The following UBAC1 variants were observed in gnomAD, a reference collection of about 807,000 sequenced individuals.
The protein encoded by UBAC1 is UBA domain containing 1.
Under a neutral mutation model 45.9 loss-of-function variants are expected in UBAC1, and 27 were observed. The ratio of observed to expected loss-of-function variants is 0.59; its 90% CI spans 0.43 to 0.81. UBAC1 has a LOEUF of 0.81. Among genes scored for constraint, UBAC1 ranks in the 30% least tolerant of loss-of-function variants. The pLI, the probability that UBAC1 is intolerant of heterozygous loss-of-function variation, is 0.00. For synonymous variants in UBAC1, 227 were observed against 215.5 expected (o/e 1.05, Z -0.47); for missense variants, 529 against 539.2 (o/e 0.98, Z 0.19).
intron 3 of UBAC1, among the ~76,000 whole-genome samples, chr9:135,948,297 G>A (rs746345989): frequency 6.6e-5 from 10 of 152,048 alleles, no homozygotes; most frequent in Non-Finnish European, 1.3e-4. Context: ...CTCCTGAAGG[G>A]CAGTCATGGC....
chr9:135,938,333 G>A lies in UBAC1; in HGVS notation c.991C>T (p.Pro331Ser), dbSNP rs1301989395. The A allele has an allele frequency of 6.2e-7, 1 of 1,613,852 alleles. No homozygotes were observed. Among genetic ancestry groups the A allele is most frequent in the Non-Finnish European group, 8.5e-7 (1 of 1,180,018 alleles). ...ACEWLLGDRK[P>S]SPEELDKGID... ...CCCTTGTCCAGCTCCTCCGGAGAGG[G>A]CTTCCGGTCCCCCAGCAGCCACTCG... The change falls in exon 9 of 10, where the codon CCC becomes TCC. Residue 331 changes from proline to serine, a missense_variant. Physicochemically the swap from Pro to Ser is moderately conservative, Grantham distance 74. Transcript: ENST00000371756.
intron 1 of UBAC1, among the ~76,000 whole-genome samples, chr9:135,959,221 TG>T (rs1839503652): frequency 6.6e-6 from 1 of 152,184 alleles, no homozygotes; most frequent in South Asian, 2.1e-4. Flanking sequence ...AGGATATTTT[TG>T]TCTATTCCAT....
At chr9:135,952,116 C>A (rs1014445743) in intron 3 of UBAC1, among the ~76,000 whole-genome samples, 2 of 152,386 alleles carry the variant, frequency 1.3e-5, no homozygotes, top group Admixed American at 1.3e-4. Context: ...AGGCCCAGAT[C>A]TGTCCGCTGC....
intron 1 of UBAC1, among the ~76,000 whole-genome samples, chr9:135,959,763 C>G (rs1234422740): frequency 7.9e-5 from 12 of 152,210 alleles, no homozygotes; most frequent in Admixed American, 7.9e-4. Context: ...GGCGCTGGAG[C>G]TTAGTGATGC....
In UBAC1 at chr9:135,961,007, G is replaced by A; in HGVS notation, c.138+18C>T. 1 of 1,532,634 alleles carries A rather than the reference G, an allele frequency of 6.5e-7. No individual in the cohort carries two copies. Among genetic ancestry groups the A allele is most frequent in the South Asian group, 1.2e-5 (1 of 84,066 alleles). The allele number at this position is 1,532,634 out of a possible 1,614,324, so 94.9% of individuals were successfully genotyped here. A position where few individuals can be genotyped will look rare whatever the true frequency, so the allele number is the denominator to read the frequency against. On this transcript the variant is annotated intron_variant, in intron 1 of 9. Coordinates refer to ENST00000371756, the MANE Select transcript of UBAC1 (RefSeq NM_016172.3). ...TCCGGAGCGGGTGTTGGGGGCAGGGGAGGGGGCCCGGCCTTACGTGCTTGA... is the reference window on the plus strand; with the variant it reads ...TCCGGAGCGGGTGTTGGGGGCAGGGAAGGGGGCCCGGCCTTACGTGCTTGA...
In UBAC1 at chr9:135,946,387, A is replaced by G. The variant is rs915620640; in HGVS notation, c.442-16T>C. 1.9e-6 allele frequency: 3 copies of G among 1,541,636 alleles called. No individual in the cohort carries two copies. The African/African-American group carries it at 4.1e-5, about 21-fold the overall frequency. On this transcript the variant is annotated splice_polypyrimidine_tract_variant and intron_variant, in intron 4 of 9. Coordinates refer to ENST00000371756, the MANE Select transcript of UBAC1 (RefSeq NM_016172.3). Reference sequence around the variant, plus strand: ...CTGTCTGGAACTGTGGTGAAAAAAAAGGAGATCAATTCTCTAAATGTCCAC... The same window carrying G: ...CTGTCTGGAACTGTGGTGAAAAAAAGGGAGATCAATTCTCTAAATGTCCAC...
intron 7 of UBAC1, among the ~76,000 whole-genome samples, chr9:135,944,602 G>A (rs10122454): frequency 0.038 from 5,763 of 152,290 alleles, 254 homozygotes; most frequent in African/African-American, 0.11. Context: ...CAGCCTGAGC[G>A]GCCCCTCGCT....
intron 7 of UBAC1, among the ~76,000 whole-genome samples, chr9:135,943,919 A>T (rs2131085407): frequency 6.6e-6 from 1 of 152,278 alleles, no homozygotes; most frequent in Middle Eastern, 3.4e-3. Context: ...GAGCTGAAAA[A>T]TGAGAACACA....
Position 135,961,015 on chromosome 9 carries a change from C to T in UBAC1, c.138+10G>A. 1 of 1,542,514 alleles carries T rather than the reference C, an allele frequency of 6.5e-7. No homozygotes were observed. The highest frequency in any genetic ancestry group is 1.9e-5 in the Admixed American group (1 of 52,494). On this transcript the variant is annotated intron_variant, in intron 1 of 9. Transcript: ENST00000371756. The stretch of plus-strand genomic sequence containing the variant: ...GGGTGTTGGGGGCAGGGGAGGGGGC[C>T]CGGCCTTACGTGCTTGAGGCAGCGC...
intron 3 of UBAC1, among the ~76,000 whole-genome samples, chr9:135,949,784 A>G (rs1011322851): frequency 6.6e-6 from 1 of 152,218 alleles, no homozygotes; most frequent in African/African-American, 2.4e-5. Context: ...CAGCATGAGC[A>G]GGACACAGTC....
chr9:135,937,840 A>C (rs1401694327), intron 9 of UBAC1, among the ~76,000 whole-genome samples: 1 of 152,210 alleles, frequency 6.6e-6, no homozygotes, highest in Non-Finnish European at 1.5e-5. Flanking sequence ...ATAAAAATAA[A>C]CCATTGCCAT....
intron 5 of UBAC1, 48 bp downstream of exon 5, chr9:135,946,213 CTCCCCAAG>C (rs1168865543): frequency 7.7e-7 from 1 of 1,301,394 alleles, no homozygotes; most frequent in Non-Finnish European, 1.1e-6. Flanking sequence ...GCTGCAGACG[CTCCCCAAG>C]GCCGGCAGTG....
At chr9:135,951,341 T>C (rs924370213) in intron 3 of UBAC1, among the ~76,000 whole-genome samples, 20 of 152,106 alleles carry the variant, frequency 1.3e-4, no homozygotes, top group African/African-American at 4.6e-4. Context: ...AATACAAAAA[T>C]TATCTGGGTG....
At chr9:135,951,344 T>C (rs938339295) in intron 3 of UBAC1, among the ~76,000 whole-genome samples, 6 of 151,546 alleles carry the variant, frequency 4.0e-5, no homozygotes, top group Non-Finnish European at 7.4e-5. Flanking sequence ...ACAAAAATTA[T>C]CTGGGTGTGG....
At chr9:135,948,666 TG>T (rs918179373) in intron 3 of UBAC1, among the ~76,000 whole-genome samples, 3 of 152,170 alleles carry the variant, frequency 2.0e-5, no homozygotes, top group Admixed American at 2.0e-4. Context: ...GGAGACCCAG[TG>T]GCAGGGGAGC....
chr9:135,961,245 A>G lies in UBAC1; in HGVS notation c.-83T>C, dbSNP rs1478046124. On this transcript the variant is annotated 5_prime_UTR_variant, in exon 1 of 10. Coordinates refer to ENST00000371756, the MANE Select transcript of UBAC1 (RefSeq NM_016172.3). ...AGGCGGGCGGGGAGGGGGCGGGGCC[A>G]GACCGCCCGCGCGCTCCTTCGCTGG... 3.2e-6 allele frequency: 4 copies of G among 1,256,336 alleles called. No individual in the cohort carries two copies. The highest frequency in any genetic ancestry group is 4.0e-6 in the Non-Finnish European group (4 of 992,404). 77.8% of individuals were successfully genotyped at this position (1,256,336 alleles called of 1,614,324 possible).
At chr9:135,937,021 T>G (rs1372127437) in intron 9 of UBAC1, among the ~76,000 whole-genome samples, 1 of 152,002 alleles carries the variant, frequency 6.6e-6, no homozygotes, top group Non-Finnish European at 1.5e-5. Context: ...GAGCGGAAGG[T>G]CTCTCACAGC....
chr9:135,938,346 C>T lies in UBAC1; in HGVS notation c.978G>A (p.Leu326=). The T allele has an allele frequency of 1.9e-6, 3 of 1,613,652 alleles. No individual in the cohort carries two copies. The highest frequency in any genetic ancestry group is 2.2e-5 in the East Asian group (1 of 44,878). ...CCTCCGGAGAGGGCTTCCGGTCCCC[C>T]AGCAGCCACTCGCACTGCAAAGCCA... is the stretch of plus-strand genomic sequence containing the variant. The part of the protein sequence containing the change: ...NQQNAACEWL[L]GDRKPSPEEL... Residue 326 remains leucine, a synonymous_variant, in exon 9 of 10, where the codon CTG becomes CTA. Coordinates refer to ENST00000371756, the MANE Select transcript of UBAC1 (RefSeq NM_016172.3).
At position 135,945,262 on chromosome 9, in the gene UBAC1, G is replaced by A. The variant is rs1839315746; in HGVS notation, c.654-12C>T. 1.3e-6 allele frequency: 2 copies of A among 1,564,112 alleles called. No individual in the cohort carries two copies. Among genetic ancestry groups the A allele is most frequent in the Non-Finnish European group, 1.7e-6 (2 of 1,154,722 alleles). ...GAGGCACCGACATGCTGCAAGGCAA[G>A]AGACTCTTTCCAACATCCCCAGACT... On this transcript the variant is annotated splice_polypyrimidine_tract_variant and intron_variant, in intron 6 of 9. Coordinates refer to ENST00000371756, the MANE Select transcript of UBAC1 (RefSeq NM_016172.3).
Sources: gnomAD v4.1 joint callset for allele counts (sites outside exome capture counted in the v4.1 genomes callset) on GRCh38, gnomAD v4.1.1 for gene constraint, MANE v1.5 for transcripts, NCBI Gene and HGNC (gene_info 2026-07-23, HGNC 2026-07-21) for gene names.